Variants in P2RY14 observed in about 807,000 individuals in gnomAD.
The protein encoded by P2RY14 is P2Y purinoceptor 14.
Under a neutral mutation model 0.9 loss-of-function variants are expected in P2RY14, and 2 were observed. That is an observed-to-expected ratio of 2.16 (90% confidence interval 0.88 to 6.79). The LOEUF is 6.79. P2RY14 is among the 30% of genes most tolerant of loss of function. The pLI is 0.05. For synonymous variants in P2RY14, 158 were observed against 147.2 expected, an observed-to-expected ratio of 1.07 and a Z score of -0.53; for missense variants, 378 against 400.1, an observed-to-expected ratio of 0.94 and a Z score of 0.47.
chr3:151,243,999 A>G, intron 1 of P2RY14, among the ~76,000 whole-genome samples: 1 of 137,204 alleles, frequency 7.3e-6, no homozygotes, highest in Non-Finnish European at 1.6e-5. Context: ...TTAAACCAAC[A>G]AAGATCAAAA....
chr3:151,240,621 T>A (rs1166458632), intron 1 of P2RY14, among the ~76,000 whole-genome samples: 1 of 151,400 alleles, frequency 6.6e-6, no homozygotes, highest in Non-Finnish European at 1.5e-5. Flanking sequence ...TCTTTAAGCA[T>A]CTCCTTTATC....
intron 1 of P2RY14, among the ~76,000 whole-genome samples, chr3:151,267,990 A>G (rs1447770082): frequency 6.6e-6 from 1 of 152,214 alleles, no homozygotes; most frequent in Non-Finnish European, 1.5e-5. Context: ...AGTAAAATGG[A>G]CAAGGGTAAT....
intron 1 of P2RY14, among the ~76,000 whole-genome samples, chr3:151,242,912 A>C (rs1333663221): frequency 6.6e-6 from 1 of 150,684 alleles, no homozygotes; most frequent in African/African-American, 2.4e-5. Context: ...AATACAGAGA[A>C]GTGCTTAAAG....
intron 1 of P2RY14, among the ~76,000 whole-genome samples, chr3:151,233,657 C>G (rs567147822): frequency 1.3e-5 from 2 of 152,270 alleles, no homozygotes; most frequent in East Asian, 3.9e-4. Flanking sequence ...CACTTGAACC[C>G]GGGAGGCGGA....
chr3:151,271,688 C>A (rs1740976703), intron 1 of P2RY14, among the ~76,000 whole-genome samples: 1 of 152,084 alleles, frequency 6.6e-6, no homozygotes, highest in African/African-American at 2.4e-5. Context: ...TGATGCGGGC[C>A]CACAATATAG....
intron 1 of P2RY14, chr3:151,269,760 TG>T: frequency 2.4e-6 from 1 of 421,122 alleles, no homozygotes; most frequent in Non-Finnish European, 4.6e-6. Flanking sequence ...TGAATGAGAG[TG>T]GTGATCTATT....
At chr3:151,235,028 C>T (rs926303286) in intron 1 of P2RY14, among the ~76,000 whole-genome samples, 7 of 152,130 alleles carry the variant, frequency 4.6e-5, no homozygotes, top group African/African-American at 7.2e-5. Flanking sequence ...TTTTTGTATG[C>T]GGTGGAGGTT....
Position 151,213,831 on chromosome 3 carries a change from C to G in P2RY14, c.486G>C (p.Gln162His). The change falls in exon 3 of 3, where the codon CAG (glutamine) becomes CAC (histidine). Residue 162 changes from glutamine (Q) to histidine (H), a missense_variant. Transcript: ENST00000309170. ...TTATTTGTGTAACCTCCCTAACACTCTGGTTGGTGAGAATAATATTTGGAA... is the reference window on the plus strand; with the variant it reads ...TTATTTGTGTAACCTCCCTAACACTGTGGTTGGTGAGAATAATATTTGGAA... ...LAVPNIILTN[Q>H]SVREVTQIKC... 4 of 1,614,130 alleles carry G rather than the reference C, an allele frequency of 2.5e-6. No homozygotes were observed. Among genetic ancestry groups the G allele is most frequent in the Non-Finnish European group, 3.4e-6 (4 of 1,180,002 alleles).
chr3:151,275,989 A>C (rs967287108), intron 1 of P2RY14, among the ~76,000 whole-genome samples: 2 of 152,162 alleles, frequency 1.3e-5, no homozygotes, highest in Non-Finnish European at 2.9e-5. Context: ...TGGCCAATGA[A>C]ATGCCTTCTT....
In P2RY14 at chr3:151,213,321, A is replaced by G. The variant is rs1456882912; in HGVS notation, c.996T>C (p.Leu332=). 6.2e-7 allele frequency: 1 copy of G among 1,610,420 alleles called. No homozygotes were observed. Among genetic ancestry groups the G allele is most frequent in the Middle Eastern group, 1.7e-4 (1 of 6,036 alleles). The change falls in exon 3 of 3, where the codon CTT becomes CTC. Residue 332 remains leucine, a synonymous_variant. Coordinates refer to ENST00000309170, the MANE Select transcript of P2RY14 (RefSeq NM_014879.4). ...ISRIKRGNTT[L]ESTDTL is the part of the protein sequence containing the mutation. The stretch of plus-strand genomic sequence containing the variant: ...GAACTCACAAAGTATCTGTGCTTTC[A>G]AGTGTTGTATTTCCTCTTTTGATTC...
intron 2 of P2RY14, among the ~76,000 whole-genome samples, chr3:151,216,936 G>A (rs1318301744): frequency 1.3e-5 from 2 of 152,128 alleles, no homozygotes; most frequent in African/African-American, 4.8e-5. Context: ...GCATGCTGCT[G>A]TATTCCCAGG....
intron 1 of P2RY14, among the ~76,000 whole-genome samples, chr3:151,247,454 C>T (rs1735814574): frequency 6.6e-6 from 1 of 151,738 alleles, no homozygotes; most frequent in Admixed American, 6.6e-5. Flanking sequence ...GAGTTCATGT[C>T]CTTTGTAGGG....
intron 1 of P2RY14, among the ~76,000 whole-genome samples, chr3:151,235,837 C>T (rs1268006325): frequency 6.6e-6 from 1 of 152,174 alleles, no homozygotes; most frequent in Non-Finnish European, 1.5e-5. Flanking sequence ...ATGTCACCTT[C>T]TCAGCAAGGC....
At chr3:151,256,777 A>G (rs1737886432) in intron 1 of P2RY14, among the ~76,000 whole-genome samples, 1 of 149,472 alleles carries the variant, frequency 6.7e-6, no homozygotes, top group Non-Finnish European at 1.5e-5. Context: ...TTTTGTTAAT[A>G]CTTTGTTAGT....
At chr3:151,269,135 C>T (rs936668164) in intron 1 of P2RY14, among the ~76,000 whole-genome samples, 1 of 152,048 alleles carries the variant, frequency 6.6e-6, no homozygotes, top group Admixed American at 6.5e-5. Context: ...ACAGGCTGGG[C>T]GCGGTGGCTT....
intron 1 of P2RY14, among the ~76,000 whole-genome samples, chr3:151,237,347 TTTC>T (rs1338012170): frequency 1.5e-5 from 1 of 65,442 alleles, no homozygotes; most frequent in African/African-American, 5.1e-5. Context: ...TTTTTTTTTT[TTTC>T]TTTTTTTTTT....
chr3:151,243,027 T>G (rs971143966), intron 1 of P2RY14, among the ~76,000 whole-genome samples: 1 of 151,000 alleles, frequency 6.6e-6, no homozygotes, highest in African/African-American at 2.4e-5. Context: ...CGATGGAAGA[T>G]GAAATGAATG....
chr3:151,251,232 G>T (rs761351316), intron 1 of P2RY14, among the ~76,000 whole-genome samples: 4 of 152,058 alleles, frequency 2.6e-5, no homozygotes, highest in African/African-American at 7.2e-5. Flanking sequence ...GTTGTTCCTT[G>T]CACCTTTCTA....
intron 1 of P2RY14, among the ~76,000 whole-genome samples, chr3:151,263,321 G>C (rs1298264116): frequency 6.6e-6 from 1 of 152,180 alleles, no homozygotes; most frequent in Admixed American, 6.5e-5. Context: ...AAACTTGTGA[G>C]CATCTGTTTC....
Sources: gnomAD v4.1 joint callset for allele counts (sites outside exome capture counted in the v4.1 genomes callset) on GRCh38, gnomAD v4.1.1 for gene constraint, MANE v1.5 for transcripts, NCBI Gene and HGNC (gene_info 2026-07-23, HGNC 2026-07-21) for gene names.